The following NUDT3 variants were observed in gnomAD, a reference collection of about 807,000 sequenced individuals.
NUDT3 encodes nudix hydrolase 3, also known as diphosphoinositol polyphosphate phosphohydrolase 1.
Under a neutral mutation model 23.6 loss-of-function variants are expected in NUDT3, and 9 were observed. The observed-to-expected ratio is 0.38, with a 90% confidence interval of 0.23 to 0.66. The LOEUF is 0.66. Among genes scored for constraint, NUDT3 ranks in the 30% least tolerant of loss-of-function variants. The probability of loss-of-function intolerance (pLI) is 0.52; values close to 1 mark genes in which losing one functional copy is unlikely to be tolerated. For missense variants in NUDT3, 172 were observed against 218.5 expected, an observed-to-expected ratio of 0.79 and a Z score of 1.34; for synonymous variants, 86 against 82.6, an observed-to-expected ratio of 1.04 and a Z score of -0.22.
chr6:34,384,038 T>G (rs1341792712), intron 1 of NUDT3, among the ~76,000 whole-genome samples: 1 of 152,174 alleles, frequency 6.6e-6, no homozygotes. Flanking sequence ...TGGAAGCCCT[T>G]TGTCATGATT....
At chr6:34,369,154 T>C (rs1222934461) in intron 1 of NUDT3, among the ~76,000 whole-genome samples, 4 of 152,244 alleles carry the variant, frequency 2.6e-5, no homozygotes, top group Non-Finnish European at 5.9e-5. Context: ...AATACAATTC[T>C]GCAAATTTCT....
chr6:34,392,404 C>CA lies in NUDT3; in HGVS notation c.-43_-42insT. The CA allele has an allele frequency of 6.6e-7, 1 of 1,519,060 alleles. No individual in the cohort carries two copies. Among genetic ancestry groups the CA allele is most frequent in the South Asian group, 1.2e-5 (1 of 85,988 alleles). The allele number at this position is 1,519,060 out of a possible 1,614,324, so 94.1% of individuals were successfully genotyped here. A position where few individuals can be genotyped will look rare whatever the true frequency, so the allele number is the denominator to read the frequency against. On this transcript the variant is annotated 5_prime_UTR_variant, in exon 1 of 5. Transcript: ENST00000607016. ...GGGGTGCGGTGCGGGTCGCAGGAGTCGAGGGGTGGGGAGCCCGCTCTGGAC... is the reference window on the plus strand; with the variant it reads ...GGGGTGCGGTGCGGGTCGCAGGAGTCAGAGGGGTGGGGAGCCCGCTCTGGAC...
At chr6:34,376,952 A>G (rs1173067373) in intron 1 of NUDT3, among the ~76,000 whole-genome samples, 1 of 152,120 alleles carries the variant, frequency 6.6e-6, no homozygotes, top group Non-Finnish European at 1.5e-5. Flanking sequence ...CTGGCATGCA[A>G]CAAACTCATT....
intron 1 of NUDT3, among the ~76,000 whole-genome samples, chr6:34,348,679 G>A (rs73403930): frequency 0.047 from 7,176 of 152,114 alleles, 269 homozygotes; most frequent in African/African-American, 0.1. Context: ...AGGAGGCTGA[G>A]GCAGGAGAAT....
chr6:34,318,502 C>T (rs1467199518), intron 2 of NUDT3, among the ~76,000 whole-genome samples: 1 of 152,158 alleles, frequency 6.6e-6, no homozygotes, highest in Non-Finnish European at 1.5e-5. Context: ...TGCTTGCCAA[C>T]TAACCTTATC....
chr6:34,348,502 G>A (rs1266463636), intron 1 of NUDT3, among the ~76,000 whole-genome samples: 2 of 151,998 alleles, frequency 1.3e-5, no homozygotes, highest in African/African-American at 4.8e-5. Flanking sequence ...AACAGGCTGG[G>A]AGCGGTGGCT....
chr6:34,320,508 C>T (rs576685021), intron 2 of NUDT3, among the ~76,000 whole-genome samples: 22 of 152,256 alleles, frequency 1.4e-4, no homozygotes, highest in African/African-American at 5.1e-4. Flanking sequence ...AGGCGTGAGC[C>T]ACTGCACCCA....
At chr6:34,375,329 G>GT (rs1764904393) in intron 1 of NUDT3, among the ~76,000 whole-genome samples, 3 of 152,118 alleles carry the variant, frequency 2.0e-5, no homozygotes, top group South Asian at 4.2e-4. Context: ...GGGCGACAGA[G>GT]TAAGACTCTG....
chr6:34,359,323 A>G (rs992304062), intron 1 of NUDT3, among the ~76,000 whole-genome samples: 3 of 152,212 alleles, frequency 2.0e-5, no homozygotes, highest in Admixed American at 2.0e-4. Context: ...CAGTGAGCCG[A>G]GATCGTGCTA....
chr6:34,370,813 T>C (rs1398554356), intron 1 of NUDT3, among the ~76,000 whole-genome samples: 1 of 152,170 alleles, frequency 6.6e-6, no homozygotes, highest in Non-Finnish European at 1.5e-5. Flanking sequence ...ATTAAAAATG[T>C]CTAATACTGG....
chr6:34,353,839 C>A (rs972040153), intron 1 of NUDT3, among the ~76,000 whole-genome samples: 1 of 152,102 alleles, frequency 6.6e-6, no homozygotes, highest in African/African-American at 2.4e-5. Flanking sequence ...GTGGCTGGGA[C>A]TACAGGCGCC....
intron 1 of NUDT3, among the ~76,000 whole-genome samples, chr6:34,386,571 T>C (rs987299783): frequency 2.0e-5 from 3 of 152,048 alleles, no homozygotes; most frequent in Non-Finnish European, 4.4e-5. Context: ...AATAAAGTTT[T>C]CTGGGGCTGG....
At chr6:34,315,883 T>C (rs528742741) in intron 2 of NUDT3, among the ~76,000 whole-genome samples, 5 of 152,210 alleles carry the variant, frequency 3.3e-5, no homozygotes, top group Non-Finnish European at 7.3e-5. Flanking sequence ...CACATGGCCA[T>C]AAATAGCTGA....
At chr6:34,346,484 CAAAGA>C (rs1188110942) in intron 1 of NUDT3, among the ~76,000 whole-genome samples, 1 of 152,058 alleles carries the variant, frequency 6.6e-6, no homozygotes, top group African/African-American at 2.4e-5. Context: ...AAAGATAAAG[CAAAGA>C]AAAGGAAACC....
rs907927112 is a variant in NUDT3 at position 34,334,979 on chromosome 6, AAGAG to A, written c.210+6879_210+6882del. ...AGAGAGAGAAAGAGGGAGAGAAAGA[AAGAG>A]AGAGAAGAGAGAGAGAGGAAGGAAG... is the stretch of plus-strand genomic sequence containing the variant. On this transcript the variant is annotated intron_variant, in intron 2 of 4. Coordinates refer to ENST00000607016, the MANE Select transcript of NUDT3 (RefSeq NM_006703.4). Among the ~76,000 whole-genome samples, 11 of 151,992 alleles carry A rather than the reference AAGAG, an allele frequency of 7.2e-5. No individual in the cohort carries two copies. The East Asian group carries it at 1.5e-3, about 21-fold the overall frequency.
intron 1 of NUDT3, among the ~76,000 whole-genome samples, chr6:34,364,467 A>T (rs1467574721): frequency 2.6e-5 from 4 of 152,200 alleles, no homozygotes; most frequent in African/African-American, 7.2e-5. Flanking sequence ...TGCTACTGAC[A>T]GTTTCTAAAA....
At chr6:34,386,760 T>C (rs1765114007) in intron 1 of NUDT3, among the ~76,000 whole-genome samples, 2 of 152,176 alleles carry the variant, frequency 1.3e-5, no homozygotes, top group South Asian at 4.1e-4. Flanking sequence ...CACAGCACAA[T>C]GCATTACTCA....
intron 4 of NUDT3, among the ~76,000 whole-genome samples, chr6:34,292,195 C>A (rs2113692727): frequency 6.6e-6 from 1 of 152,262 alleles, no homozygotes; most frequent in East Asian, 1.9e-4. Flanking sequence ...TTCAGTATAT[C>A]CACACTGAAT....
intron 2 of NUDT3, among the ~76,000 whole-genome samples, chr6:34,312,845 G>T (rs1202826961): frequency 6.6e-6 from 1 of 152,170 alleles, no homozygotes; most frequent in African/African-American, 2.4e-5. Context: ...GGTGCTCAAA[G>T]AAATGAACTA....
Sources: gnomAD v4.1 joint callset for allele counts (sites outside exome capture counted in the v4.1 genomes callset) on GRCh38, gnomAD v4.1.1 for gene constraint, MANE v1.5 for transcripts, NCBI Gene and HGNC (gene_info 2026-07-23, HGNC 2026-07-21) for gene names.